Variants in ZNF722 observed in about 807,000 individuals in gnomAD.
The protein encoded by ZNF722 is zinc finger protein 722.
the ZNF722 span, chr7:64,015,715 G>T: frequency 1.2e-6 from 2 of 1,613,596 alleles, no homozygotes; most frequent in Non-Finnish European, 1.7e-6. Context: ...GACCACAAGA[G>T]AATTCATACT....
the ZNF722 span, among the ~76,000 whole-genome samples, chr7:64,005,166 G>T: frequency 2.6e-5 from 4 of 152,100 alleles, no homozygotes; most frequent in Admixed American, 2.6e-4. Flanking sequence ...AGGCATGGTG[G>T]CTCACGCCTG....
At chr7:64,016,602 C>T in the ZNF722 span, among the ~76,000 whole-genome samples, 1 of 152,022 alleles carries the variant, frequency 6.6e-6, no homozygotes, top group Non-Finnish European at 1.5e-5. Context: ...AAGAGAAACC[C>T]TACAATAAGG....
the ZNF722 span, chr7:64,014,946 T>G: frequency 9.5e-7 from 1 of 1,057,244 alleles, no homozygotes. Context: ...GTGTGCCTTG[T>G]ATAATTTTAT....
the ZNF722 span, among the ~76,000 whole-genome samples, chr7:64,008,614 G>T: frequency 6.6e-6 from 1 of 152,062 alleles, no homozygotes; most frequent in Non-Finnish European, 1.5e-5. Context: ...TCTCTGTTTT[G>T]GTACCAGTAC....
At chr7:64,017,411 T>C in the ZNF722 span, among the ~76,000 whole-genome samples, 3 of 152,054 alleles carry the variant, frequency 2.0e-5, no homozygotes, top group East Asian at 1.9e-4. Context: ...ATTATAAATG[T>C]GATTACTGTA....
the ZNF722 span, among the ~76,000 whole-genome samples, chr7:64,000,436 C>CTTTTTTTTTTGTT: frequency 4.2e-5 from 1 of 23,674 alleles, no homozygotes; most frequent in African/African-American, 1.9e-4. Flanking sequence ...CATGCCCGGC[C>CTTTTTTTTTTGTT]TTTTTTTTTT....
the ZNF722 span, among the ~76,000 whole-genome samples, chr7:64,002,924 G>A: frequency 6.6e-5 from 10 of 152,312 alleles, no homozygotes; most frequent in Middle Eastern, 3.4e-3. Flanking sequence ...GGACTCTGCT[G>A]TGCCTGCTTT....
the ZNF722 span, among the ~76,000 whole-genome samples, chr7:64,011,915 T>C: frequency 6.6e-6 from 1 of 152,218 alleles, no homozygotes; most frequent in Non-Finnish European, 1.5e-5. Flanking sequence ...TCTTTTCACA[T>C]AGTCCCATAT....
chr7:64,012,242 T>G, the ZNF722 span, among the ~76,000 whole-genome samples: 1 of 152,308 alleles, frequency 6.6e-6, no homozygotes, highest in South Asian at 2.1e-4. Flanking sequence ...CGGAGAAGTT[T>G]GTTATTACTG....
chr7:64,010,598 G>A, the ZNF722 span, among the ~76,000 whole-genome samples: 1 of 152,160 alleles, frequency 6.6e-6, no homozygotes, highest in African/African-American at 2.4e-5. Context: ...TTGCAATGTG[G>A]TCTGAGAGAC....
chr7:64,000,436 CTTTTTTTTTTTTTT>C, the ZNF722 span, among the ~76,000 whole-genome samples: 42 of 23,690 alleles, frequency 1.8e-3, 2 homozygotes, highest in South Asian at 5.8e-3. Flanking sequence ...CATGCCCGGC[CTTTTTTTTTTTTTT>C]TTTTTTTTTT....
the ZNF722 span, chr7:64,005,816 T>G: frequency 7.8e-7 from 1 of 1,290,314 alleles, no homozygotes; most frequent in Non-Finnish European, 1.1e-6. Flanking sequence ...AATTTCTGCT[T>G]TGCATGAATA....
chr7:64,005,217 T>A, the ZNF722 span, among the ~76,000 whole-genome samples: 1 of 151,852 alleles, frequency 6.6e-6, no homozygotes, highest in Non-Finnish European at 1.5e-5. Flanking sequence ...GAGAATCGAT[T>A]GAACCCGGGA....
At chr7:64,012,947 C>T in the ZNF722 span, among the ~76,000 whole-genome samples, 50 of 152,148 alleles carry the variant, frequency 3.3e-4, no homozygotes, top group East Asian at 3.9e-4. Context: ...ACCTCACACT[C>T]GCATCATCTT....
the ZNF722 span, chr7:64,006,358 G>C: frequency 1.7e-6 from 2 of 1,198,076 alleles, no homozygotes; most frequent in South Asian, 2.9e-5. Context: ...ACAGATGAGA[G>C]ATACACAAAT....
At chr7:64,005,652 TG>T in the ZNF722 span, 1 of 1,365,252 alleles carries the variant, frequency 7.3e-7, no homozygotes, top group Non-Finnish European at 1.0e-6. Flanking sequence ...GAATTCTCTC[TG>T]GAGGAGTGGC....
At chr7:64,000,939 A>C in the ZNF722 span, among the ~76,000 whole-genome samples, 1 of 150,696 alleles carries the variant, frequency 6.6e-6, no homozygotes, top group East Asian at 2.0e-4. Flanking sequence ...ACCACATCCA[A>C]CTAATTTTTT....
chr7:64,012,609 G>T, the ZNF722 span, among the ~76,000 whole-genome samples: 1 of 152,128 alleles, frequency 6.6e-6, no homozygotes, highest in Admixed American at 6.6e-5. Flanking sequence ...CACTGCACCT[G>T]GCTGATCTTT....
the ZNF722 span, among the ~76,000 whole-genome samples, chr7:64,002,672 C>T: frequency 6.6e-6 from 1 of 152,204 alleles, no homozygotes; most frequent in Non-Finnish European, 1.5e-5. Flanking sequence ...AATTAAATCA[C>T]ATTATGTGTT....
Sources: allele counts gnomAD v4.1 joint callset (sites outside exome capture counted in the v4.1 genomes callset), GRCh38; gene constraint gnomAD v4.1.1; transcripts MANE v1.5; gene names NCBI Gene and HGNC (gene_info 2026-07-23, HGNC 2026-07-21).